The following HDAC9 variants were observed in gnomAD, a reference collection of about 807,000 sequenced individuals.
HDAC9 encodes histone deacetylase 9, also known as MEF-2 interacting transcription repressor (MITR) protein.
Under a neutral mutation model 139.4 loss-of-function variants are expected in HDAC9, and 41 were observed. That is an observed-to-expected ratio of 0.29 (90% CI 0.23 to 0.38). The LOEUF is 0.38. Ranked by LOEUF, HDAC9 falls within the 10% of genes least tolerant of loss-of-function variation. The pLI, the probability that HDAC9 is intolerant of heterozygous loss-of-function variation, is 1.00. For synonymous variants in HDAC9, 517 were observed against 476.2 expected (o/e 1.09, Z -1.12); for missense variants, 1,147 against 1,297.0 (o/e 0.88, Z 1.78).
chr7:18,130,689 A>G (rs1784946271), intron 1 of HDAC9, among the ~76,000 whole-genome samples: 1 of 152,144 alleles, frequency 6.6e-6, no homozygotes, highest in Admixed American at 6.5e-5. Context: ...GGAAACCACT[A>G]ATGTACTTTT....
intron 22 of HDAC9, among the ~76,000 whole-genome samples, chr7:18,907,917 A>C (rs1293612277): frequency 6.6e-6 from 1 of 152,112 alleles, no homozygotes; most frequent in Non-Finnish European, 1.5e-5. Context: ...AATGTATTTT[A>C]TTCTGTACAC....
chr7:18,447,336 A>G (rs571471050), intron 1 of HDAC9, among the ~76,000 whole-genome samples: 13 of 152,194 alleles, frequency 8.5e-5, no homozygotes, highest in South Asian at 4.1e-4. Context: ...GCTTACCACA[A>G]TTATGGTCAC....
intron 1 of HDAC9, among the ~76,000 whole-genome samples, chr7:18,303,646 A>C (rs754297863): frequency 2.0e-5 from 3 of 152,166 alleles, no homozygotes; most frequent in Admixed American, 2.0e-4. Flanking sequence ...TTTTCCATGG[A>C]AACAGTGCCT....
At chr7:18,947,814 A>G (rs1782508570) in intron 23 of HDAC9, among the ~76,000 whole-genome samples, 1 of 152,032 alleles carries the variant, frequency 6.6e-6, no homozygotes, top group Admixed American at 6.6e-5. Flanking sequence ...AAGGAATATT[A>G]TAAGAGAATA....
intron 1 of HDAC9, among the ~76,000 whole-genome samples, chr7:18,355,198 T>C (rs1783157822): frequency 1.3e-5 from 2 of 152,158 alleles, no homozygotes; most frequent in African/African-American, 4.8e-5. Context: ...AAAACTCTTA[T>C]TATCTCCACT....
At chr7:18,754,821 T>C (rs1482696332) in intron 14 of HDAC9, among the ~76,000 whole-genome samples, 1 of 152,116 alleles carries the variant, frequency 6.6e-6, no homozygotes. Context: ...CTTGCACACA[T>C]AGGTGACTGT....
chr7:18,627,986 G>A (rs938412160), intron 6 of HDAC9, among the ~76,000 whole-genome samples: 32 of 152,006 alleles, frequency 2.1e-4, no homozygotes. Flanking sequence ...ATAGATATTT[G>A]AAGACTAAAA....
intron 2 of HDAC9, among the ~76,000 whole-genome samples, chr7:18,194,637 T>G (rs937670764): frequency 1.3e-5 from 2 of 152,178 alleles, no homozygotes; most frequent in African/African-American, 4.8e-5. Flanking sequence ...AATCCCCTAA[T>G]TATTTCTCTG....
In HDAC9 at chr7:18,788,624, G is replaced by A. The variant is rs374662899; in HGVS notation, c.2215-4721G>A. On this transcript the variant is annotated intron_variant, in intron 16 of 25. Coordinates refer to ENST00000686413, the MANE Select transcript of HDAC9 (RefSeq NM_178425.4). ...ACAAAAATTAACTCAGTGTGGTGGC[G>A]GATGCCTGAAATCCCATCTACTTGG... Among the ~76,000 whole-genome samples, 14 of 151,876 alleles carry A rather than the reference G, an allele frequency of 9.2e-5. 1 individual carries two copies. The highest frequency in any genetic ancestry group is 2.7e-4 in the African/African-American group (11 of 41,444).
intron 22 of HDAC9, among the ~76,000 whole-genome samples, chr7:18,908,216 A>AT (rs1802438007): frequency 6.6e-6 from 1 of 151,986 alleles, no homozygotes; most frequent in African/African-American, 2.4e-5. Context: ...TCAGAGCTTA[A>AT]TTTTTTTATT....
At chr7:18,287,124 A>T (rs955793313), upstream of HDAC9, among the ~76,000 whole-genome samples, 16 of 152,164 alleles carry the variant, frequency 1.1e-4, no homozygotes, top group Admixed American at 4.6e-4. Context: ...TTTTAATGGT[A>T]GTTTTTTCTG....
chr7:18,917,352 T>C lies in HDAC9; in HGVS notation c.2804-18457T>C, dbSNP rs765712363. Among the ~76,000 whole-genome samples, 6 of 152,138 alleles carry C rather than the reference T, an allele frequency of 3.9e-5. No homozygotes were observed. The South Asian group carries it at 1.2e-3, about 32-fold the overall frequency. ...GGATTTTTTTTTCAGTAAATACTAC[T>C]GTGTTTATTTATTGGTTGATGTGCC... On this transcript the variant is annotated intron_variant, in intron 22 of 25. Transcript: ENST00000686413.
chr7:18,939,111 C>T (rs1781851709), intron 23 of HDAC9, among the ~76,000 whole-genome samples: 1 of 151,980 alleles, frequency 6.6e-6, no homozygotes, highest in African/African-American at 2.4e-5. Flanking sequence ...ATTATGATGC[C>T]CTAAATACCA....
At chr7:18,781,210 G>T (rs1791218610) in intron 16 of HDAC9, among the ~76,000 whole-genome samples, 1 of 151,896 alleles carries the variant, frequency 6.6e-6, no homozygotes, top group Admixed American at 6.6e-5. Context: ...CCTTTTCAAA[G>T]GACTTATTGA....
chr7:18,842,957 C>T (rs900819479), intron 21 of HDAC9, among the ~76,000 whole-genome samples: 11 of 152,064 alleles, frequency 7.2e-5, no homozygotes, highest in Non-Finnish European at 1.5e-4. Flanking sequence ...GTGATATCTG[C>T]AGTGAAGAGC....
chr7:18,222,728 T>G (rs540432629), intron 2 of HDAC9, among the ~76,000 whole-genome samples: 148 of 152,268 alleles, frequency 9.7e-4, no homozygotes, highest in African/African-American at 3.4e-3. Context: ...TTATTTTGCT[T>G]TTTCTTATTG....
At chr7:18,932,765 AAG>A (rs1034652982) in intron 22 of HDAC9, among the ~76,000 whole-genome samples, 23 of 151,882 alleles carry the variant, frequency 1.5e-4, no homozygotes, top group African/African-American at 4.8e-4. Context: ...GTTTCAGAGA[AAG>A]AGAGAGAAAG....
intron 22 of HDAC9, among the ~76,000 whole-genome samples, chr7:18,923,420 G>A (rs1363907829): frequency 6.6e-6 from 1 of 152,016 alleles, no homozygotes; most frequent in Non-Finnish European, 1.5e-5. Flanking sequence ...TGACCTCTCA[G>A]TTTGAACGAT....
At chr7:18,257,347 A>G (rs182483) in intron 2 of HDAC9, among the ~76,000 whole-genome samples, 6,404 of 142,974 alleles carry the variant, frequency 0.045, 211 homozygotes, top group African/African-American at 0.083. Flanking sequence ...GGATGACACA[A>G]TGAGACCACC....
Sources: gnomAD v4.1 joint callset for allele counts (sites outside exome capture counted in the v4.1 genomes callset) on GRCh38, gnomAD v4.1.1 for gene constraint, MANE v1.5 for transcripts, NCBI Gene and HGNC (gene_info 2026-07-23, HGNC 2026-07-21) for gene names.